The following SOX5 variants were observed in gnomAD, a reference collection of about 807,000 sequenced individuals.
SOX5 encodes SRY-box transcription factor 5, also known as transcription factor SOX-5.
In SOX5, 9 loss-of-function variants were observed where a neutral mutation model predicts 92.0. That is an observed-to-expected ratio of 0.10 (90% CI 0.06 to 0.17). The LOEUF is 0.17. Among genes scored for constraint, SOX5 ranks in the 10% least tolerant of loss-of-function variants. SOX5 has a pLI of 1.00. For synonymous variants in SOX5, 344 were observed against 336.3 expected, an observed-to-expected ratio of 1.02 and a Z score of -0.25; for missense variants, 642 against 944.5, an observed-to-expected ratio of 0.68 and a Z score of 4.20.
chr12:23,988,038 A>G (rs1235499688), intron 4 of SOX5, among the ~76,000 whole-genome samples: 1 of 152,168 alleles, frequency 6.6e-6, no homozygotes, highest in Non-Finnish European at 1.5e-5. Flanking sequence ...AATAAAGAAA[A>G]CTTAGCATTA....
intron 1 of SOX5, among the ~76,000 whole-genome samples, chr12:24,424,323 A>G (rs1005596227): frequency 5.3e-5 from 8 of 152,204 alleles, no homozygotes; most frequent in Non-Finnish European, 1.0e-4. Context: ...CATTATTGCT[A>G]TTTCCACAAA....
intron 2 of SOX5, among the ~76,000 whole-genome samples, chr12:23,847,697 T>C (rs1326623969): frequency 2.0e-5 from 3 of 152,006 alleles, no homozygotes; most frequent in Admixed American, 1.3e-4. Flanking sequence ...CACAACAGAA[T>C]CTTCCAAATT....
chr12:24,078,008 ATAT>A (rs1942864122), intron 4 of SOX5, among the ~76,000 whole-genome samples: 1 of 151,772 alleles, frequency 6.6e-6, no homozygotes, highest in African/African-American at 2.4e-5. Context: ...GTGCACAGAC[ATAT>A]TATTAGAATT....
chr12:24,154,685 T>C (rs1951991572), intron 4 of SOX5, among the ~76,000 whole-genome samples: 1 of 152,072 alleles, frequency 6.6e-6, no homozygotes. Context: ...GATATAAAAG[T>C]GTATAAACAA....
intron 8 of SOX5, among the ~76,000 whole-genome samples, chr12:23,627,920 G>A (rs976202161): frequency 2.0e-5 from 3 of 151,464 alleles, no homozygotes; most frequent in African/African-American, 4.8e-5. Context: ...ACTGGTTACC[G>A]TGCAAATATT....
intron 4 of SOX5, among the ~76,000 whole-genome samples, chr12:24,110,809 A>G (rs1947238565): frequency 1.4e-5 from 2 of 148,048 alleles, no homozygotes. Flanking sequence ...GCTGAGGCGG[A>G]AGGATGGCGT....
intron 4 of SOX5, among the ~76,000 whole-genome samples, chr12:24,051,833 C>T (rs1957588828): frequency 6.6e-6 from 1 of 152,220 alleles, no homozygotes; most frequent in African/African-American, 2.4e-5. Context: ...CAAACTAGGA[C>T]ATGTTTACTG....
chr12:24,255,651 G>T (rs1301115032), intron 3 of SOX5, among the ~76,000 whole-genome samples: 1 of 152,074 alleles, frequency 6.6e-6, no homozygotes, highest in Non-Finnish European at 1.5e-5. Context: ...TTGGAGTTTG[G>T]CCAGGCTTCT....
chr12:23,736,183 C>T (rs1026010048), intron 5 of SOX5, among the ~76,000 whole-genome samples: 6 of 151,914 alleles, frequency 3.9e-5, no homozygotes, highest in Middle Eastern at 3.4e-3. Flanking sequence ...ATCTCTTGGC[C>T]GGGTGTGGTG....
intron 4 of SOX5, among the ~76,000 whole-genome samples, chr12:24,039,706 A>G (rs1431290537): frequency 6.6e-6 from 1 of 152,204 alleles, no homozygotes; most frequent in Non-Finnish European, 1.5e-5. Context: ...CCTACAGTAT[A>G]TACATATTCA....
At chr12:24,420,219 C>T (rs954174028) in intron 1 of SOX5, among the ~76,000 whole-genome samples, 7 of 152,126 alleles carry the variant, frequency 4.6e-5, no homozygotes, top group African/African-American at 1.7e-4. Context: ...CTATTTAGGC[C>T]TATAAATAAA....
chr12:24,454,105 T>A (rs903835704), intron 1 of SOX5, among the ~76,000 whole-genome samples: 2 of 152,220 alleles, frequency 1.3e-5, no homozygotes, highest in South Asian at 4.1e-4. Flanking sequence ...TCTTCATTCG[T>A]TCTCTTGTTT....
intron 4 of SOX5, among the ~76,000 whole-genome samples, chr12:23,985,504 A>T (rs1165916651): frequency 6.6e-6 from 1 of 152,180 alleles, no homozygotes; most frequent in Non-Finnish European, 1.5e-5. Flanking sequence ...TTGTAATTAA[A>T]TTGCACTGGC....
At chr12:23,773,975 C>A (rs1208923336) in intron 3 of SOX5, among the ~76,000 whole-genome samples, 36 of 149,534 alleles carry the variant, frequency 2.4e-4, no homozygotes, top group Non-Finnish European at 1.5e-5. Flanking sequence ...TCTTTATTGA[C>A]AAGCAGATGT....
chr12:23,811,107 A>T (rs2095868396), intron 3 of SOX5, among the ~76,000 whole-genome samples: 1 of 152,070 alleles, frequency 6.6e-6, no homozygotes, highest in Non-Finnish European at 1.5e-5. Context: ...CGATTTCTGT[A>T]TTCTTATGAA....
At chr12:24,020,696 G>A (rs1181641744) in intron 4 of SOX5, among the ~76,000 whole-genome samples, 1 of 152,096 alleles carries the variant, frequency 6.6e-6, no homozygotes, top group Admixed American at 6.6e-5. Flanking sequence ...AGCCCTCCCA[G>A]GCCAGACAAA....
At chr12:24,252,937 C>T (rs1030589389) in intron 3 of SOX5, among the ~76,000 whole-genome samples, 1 of 152,098 alleles carries the variant, frequency 6.6e-6, no homozygotes, top group Non-Finnish European at 1.5e-5. Flanking sequence ...GCTGATAAAT[C>T]GATACAGCAA....
chr12:23,972,345 GT>G (rs567117055), intron 4 of SOX5, among the ~76,000 whole-genome samples: 1 of 151,846 alleles, frequency 6.6e-6, no homozygotes, highest in African/African-American at 2.4e-5. Context: ...TCTTCCTATG[GT>G]TTTTTTGTTT....
At chr12:23,990,659 T>C (rs1950479745) in intron 4 of SOX5, among the ~76,000 whole-genome samples, 1 of 152,170 alleles carries the variant, frequency 6.6e-6, no homozygotes, top group Non-Finnish European at 1.5e-5. Context: ...TTCTGTATCT[T>C]CTACATGTTT....
Sources: allele counts gnomAD v4.1 joint callset (sites outside exome capture counted in the v4.1 genomes callset), GRCh38; gene constraint gnomAD v4.1.1; transcripts MANE v1.5; gene names NCBI Gene and HGNC (gene_info 2026-07-23, HGNC 2026-07-21).